Variants in DPP6 observed in about 807,000 individuals in gnomAD.
DPP6 encodes A-type potassium channel modulatory protein DPP6.
In DPP6, 69 loss-of-function variants were observed where a neutral mutation model predicts 122.6. The ratio of observed to expected loss-of-function variants is 0.56; its 90% CI spans 0.46 to 0.69. The LOEUF (loss-of-function observed/expected upper bound fraction) is 0.69, where lower values mean the gene tolerates loss of function less well. DPP6 is among the 30% of genes least tolerant of loss of function. The probability of loss-of-function intolerance (pLI) is 0.00; values close to 1 mark genes in which losing one functional copy is unlikely to be tolerated. For synonymous variants in DPP6, 418 were observed against 433.1 expected, an observed-to-expected ratio of 0.97 and a Z score of 0.43; for missense variants, 928 against 1,116.9, an observed-to-expected ratio of 0.83 and a Z score of 2.41.
intron 1 of DPP6, among the ~76,000 whole-genome samples, chr7:153,933,207 G>A (rs765972916): frequency 5.9e-5 from 9 of 152,058 alleles, no homozygotes; most frequent in East Asian, 1.9e-4. Flanking sequence ...TTTCCTCAAC[G>A]GTAAACAAGA....
the DPP6 span, among the ~76,000 whole-genome samples, chr7:153,845,022 A>C: frequency 7.8e-4 from 119 of 152,278 alleles, no homozygotes; most frequent in African/African-American, 2.7e-3. Context: ...TAGGACATTC[A>C]CCAGAGGAAA....
intron 1 of DPP6, among the ~76,000 whole-genome samples, chr7:153,912,992 G>A (rs1239844262): frequency 6.6e-6 from 1 of 152,166 alleles, no homozygotes; most frequent in African/African-American, 2.4e-5. Flanking sequence ...TATGTTAGCT[G>A]GTAACCAACG....
intron 1 of DPP6, among the ~76,000 whole-genome samples, chr7:154,359,896 C>A (rs1811583889): frequency 6.6e-6 from 1 of 152,182 alleles, no homozygotes; most frequent in Admixed American, 6.5e-5. Context: ...TGCATTAGAA[C>A]TAGAAAGTCT....
intron 1 of DPP6, among the ~76,000 whole-genome samples, chr7:154,262,889 T>C (rs1232094905): frequency 6.6e-6 from 1 of 152,188 alleles, no homozygotes; most frequent in Non-Finnish European, 1.5e-5. Context: ...CTAAGGTCAG[T>C]GGATCAAAGA....
At chr7:154,405,531 G>C (rs2151195021) in intron 1 of DPP6, among the ~76,000 whole-genome samples, 1 of 152,326 alleles carries the variant, frequency 6.6e-6, no homozygotes, top group African/African-American at 2.4e-5. Context: ...TGAGAAAGGA[G>C]TCTATTAACA....
At position 154,570,410 on chromosome 7, in the gene DPP6, G is replaced by A. The variant is rs557121963; in HGVS notation, c.627+3494G>A. On this transcript the variant is annotated intron_variant, in intron 5 of 25. Transcript: ENST00000377770. Reference sequence around the variant, plus strand: ...ATATTGTCAGATACTCAAAGACAGGGACAGGTCTTTTTATCTCCTATCTGT... The same window carrying A: ...ATATTGTCAGATACTCAAAGACAGGAACAGGTCTTTTTATCTCCTATCTGT... Among the ~76,000 whole-genome samples, 23 of 151,992 alleles carry A rather than the reference G, an allele frequency of 1.5e-4. No homozygotes were observed. The South Asian group carries it at 4.8e-3, about 32-fold the overall frequency.
intron 1 of DPP6, among the ~76,000 whole-genome samples, chr7:153,989,250 T>C (rs1198169004): frequency 2.5e-5 from 1 of 39,990 alleles, no homozygotes; most frequent in Non-Finnish European, 4.7e-5. Context: ...TGTGTGTCAC[T>C]GAGTGGGCGA....
At chr7:153,974,697 C>A (rs1201098771) in intron 1 of DPP6, among the ~76,000 whole-genome samples, 8 of 152,204 alleles carry the variant, frequency 5.3e-5, no homozygotes, top group Admixed American at 5.2e-4. Flanking sequence ...CTTGAACATT[C>A]TGTCCTTTGT....
At chr7:154,218,452 T>C (rs767625299) in intron 1 of DPP6, among the ~76,000 whole-genome samples, 3 of 152,244 alleles carry the variant, frequency 2.0e-5, no homozygotes, top group Admixed American at 6.5e-5. Flanking sequence ...GCACATGTCG[T>C]TGTCACCTTT....
chr7:153,908,153 G>A (rs1041448161), intron 1 of DPP6, among the ~76,000 whole-genome samples: 2 of 150,328 alleles, frequency 1.3e-5, no homozygotes, highest in African/African-American at 2.5e-5. Context: ...TATAGCTTCC[G>A]TGCATCACCA....
rs370651349 is a variant in DPP6, at chr7:154,569,533, C to T, written c.627+2617C>T. 6.6e-5 allele frequency among the ~76,000 whole-genome samples: 10 copies of T among 152,008 alleles called. 1 individual carries two copies. In the South Asian group the frequency reaches 2.1e-3, roughly 32 times the overall value. On this transcript the variant is annotated intron_variant, in intron 5 of 25. Transcript: ENST00000377770. Reference sequence around the variant, plus strand: ...CTAGAATTTGTTATTTGGATTCATGCTCAACATATTCTTATGTGTGTATCT... The same window carrying T: ...CTAGAATTTGTTATTTGGATTCATGTTCAACATATTCTTATGTGTGTATCT...
At chr7:153,781,265 C>CAG in the DPP6 span, among the ~76,000 whole-genome samples, 2 of 152,064 alleles carry the variant, frequency 1.3e-5, no homozygotes, top group African/African-American at 4.8e-5. Context: ...CTTCGTTTCA[C>CAG]AGTTTCAGTC....
intron 7 of DPP6, among the ~76,000 whole-genome samples, chr7:154,699,363 A>G (rs3778726): frequency 0.81 from 122,515 of 152,190 alleles, 49,979 homozygotes; most frequent in Non-Finnish European, 0.88. Flanking sequence ...CTGGCAGCTG[A>G]CAAGTCTCGG....
intron 25 of DPP6, chr7:154,889,811 G>A (rs1806457027): frequency 1.1e-5 from 5 of 460,154 alleles, no homozygotes; most frequent in South Asian, 1.1e-4. Context: ...TCCGGGCAGT[G>A]AGAAGAACCA....
chr7:154,220,463 T>G (rs1037078906), intron 1 of DPP6, among the ~76,000 whole-genome samples: 6 of 152,146 alleles, frequency 3.9e-5, no homozygotes, highest in African/African-American at 7.2e-5. Context: ...AAGCAACTAT[T>G]GGGCATTAGA....
intron 2 of DPP6, among the ~76,000 whole-genome samples, chr7:154,459,868 A>G (rs1365582661): frequency 6.6e-6 from 1 of 151,132 alleles, no homozygotes; most frequent in African/African-American, 2.4e-5. Flanking sequence ...GAACAATAAT[A>G]ATCCTTTTAT....
chr7:153,832,265 G>A, the DPP6 span, among the ~76,000 whole-genome samples: 7 of 152,014 alleles, frequency 4.6e-5, no homozygotes, highest in Non-Finnish European at 7.4e-5. Flanking sequence ...TCTTCTTCTC[G>A]ATTTAAACGA....
chr7:154,168,809 A>T (rs949101718), intron 1 of DPP6, among the ~76,000 whole-genome samples: 4 of 152,250 alleles, frequency 2.6e-5, no homozygotes, highest in Admixed American at 6.5e-5. Flanking sequence ...TTGAGCTAGG[A>T]TGCATGCTAA....
intron 5 of DPP6, among the ~76,000 whole-genome samples, chr7:154,585,186 T>C (rs1193504759): frequency 1.3e-5 from 2 of 152,234 alleles, no homozygotes; most frequent in Non-Finnish European, 2.9e-5. Flanking sequence ...AAAGACTAGC[T>C]TCAAAGTGGA....
Sources: gnomAD v4.1 joint callset for allele counts (sites outside exome capture counted in the v4.1 genomes callset) on GRCh38, gnomAD v4.1.1 for gene constraint, MANE v1.5 for transcripts, NCBI Gene and HGNC (gene_info 2026-07-23, HGNC 2026-07-21) for gene names.